FLCN: variants seen among roughly 807,000 people sequenced by gnomAD.
FLCN encodes the protein folliculin, also known as BHD skin lesion fibrofolliculoma protein.
A neutral mutation model predicts 62.5 loss-of-function variants in FLCN; 22 were observed. The observed-to-expected ratio is 0.35, with a 90% CI of 0.25 to 0.50. The LOEUF (loss-of-function observed/expected upper bound fraction) is 0.50. FLCN is among the 20% of genes least tolerant of loss of function. FLCN has a pLI of 0.97. For missense variants in FLCN, 657 were observed against 778.0 expected (o/e 0.84, Z 1.85); for synonymous variants, 319 against 310.0 (o/e 1.03, Z -0.30).
rs567617762 is a variant in FLCN, at chr17:17,227,933, C to T, written c.205G>A (p.Val69Ile). 297 of 1,614,132 alleles carry T rather than the reference C, an allele frequency of 1.8e-4. 4 individuals are homozygous for T. The South Asian group carries it at 3.0e-3, about 16-fold the overall frequency. ...TTGGGCCCCGGGCTGCTGGACTCGA[C>T]GCTGGCCCCCTCTGCGGGGCTGTGC... Reference protein sequence around the residue: ...RAHSPAEGASVESSSPGPKKS... With the variant: ...RAHSPAEGASIESSSPGPKKS... Residue 69 changes from valine to isoleucine, a missense_variant, in exon 4 of 14, where the codon GTC (valine) becomes ATC (isoleucine). Physicochemically the swap from Val to Ile is conservative, Grantham distance 29. Transcript: ENST00000285071.
intron 1 of FLCN, among the ~76,000 whole-genome samples, chr17:17,234,210 TTTGG>T (rs1567832964): frequency 9.6e-6 from 1 of 104,630 alleles, no homozygotes. Context: ...TTTGTTTTTT[TTTGG>T]TTTGTTTTTT....
Position 17,216,979 on chromosome 17 carries a change from G to T in FLCN, c.1176+90C>A. On this transcript the variant is annotated intron_variant, in intron 10 of 13. Transcript: ENST00000285071. This position sits in a 1 kb window ranked among gnomAD's most constrained non-coding sequence, Gnocchi z 4.0. The stretch of plus-strand genomic sequence containing the variant: ...GTGGTGCACAGCGGTTCTGTGCTGG[G>T]CAGTCGGTGCACCTTGGCATCCCCA... 1.1e-6 allele frequency: 1 copy of T among 940,322 alleles called. No individual in the cohort carries two copies. 58.2% of individuals were successfully genotyped at this position (940,322 alleles called of 1,614,324 possible). A position where few individuals can be genotyped will look rare whatever the true frequency, so the allele number is the denominator to read the frequency against.
At chr17:17,222,837 T>C in intron 6 of FLCN, 176 bp from the exon 7 acceptor site, 1 of 736,992 alleles carries the variant, frequency 1.4e-6, no homozygotes, top group Non-Finnish European at 2.3e-6. Context: ...AGCATAGCTC[T>C]GCCCCGGCTA....
rs1305090827 is a variant in FLCN at position 17,213,413 on chromosome 17, G to T, written c.*242C>A. The T allele has an allele frequency of 6.6e-6, 4 of 603,596 alleles. No homozygotes were observed. The highest frequency in any genetic ancestry group is 1.2e-5 in the Non-Finnish European group (4 of 337,470). 37.4% of individuals were successfully genotyped at this position (603,596 alleles called of 1,614,324 possible). A position where few individuals can be genotyped will look rare whatever the true frequency, so the allele number is the denominator to read the frequency against. Reference sequence around the variant, plus strand: ...TCTCTCCAAGGAGTTTGAACACAGAGAGAGCCCATCATCCCTCCGCCTTTC... The same window carrying T: ...TCTCTCCAAGGAGTTTGAACACAGATAGAGCCCATCATCCCTCCGCCTTTC... On this transcript the variant is annotated 3_prime_UTR_variant, in exon 14 of 14. Coordinates refer to ENST00000285071, the MANE Select transcript of FLCN (RefSeq NM_144997.7).
intron 3 of FLCN, among the ~76,000 whole-genome samples, chr17:17,230,853 A>C (rs970064120): frequency 1.3e-5 from 2 of 152,066 alleles, no homozygotes; most frequent in Non-Finnish European, 2.9e-5. Context: ...AGATCGTACT[A>C]CTACATTCCA....
In FLCN at chr17:17,221,403, T is replaced by C. The variant is rs182975476; in HGVS notation, c.871+134A>G. On this transcript the variant is annotated intron_variant, in intron 8 of 13. Transcript: ENST00000285071. ...ATCACACCGAGATCGGAGGGTGAGC[T>C]TCCCGAAGGCTCGTTCTGGGCTGAT... 1.9e-5 allele frequency: 30 copies of C among 1,613,312 alleles called. No individual in the cohort carries two copies. The East Asian group carries it at 6.7e-4, about 36-fold the overall frequency.
intron 4 of FLCN, 148 bp downstream of exon 4, chr17:17,227,741 C>T: frequency 1.8e-6 from 2 of 1,134,450 alleles, no homozygotes; most frequent in African/African-American, 3.1e-5. Context: ...AAAACAAAAG[C>T]TACAGTCAGG....
At chr17:17,220,733 T>C (rs1750221643) in intron 8 of FLCN, 1 of 168,598 alleles carries the variant, frequency 5.9e-6, no homozygotes, top group South Asian at 1.5e-4. Context: ...ATTAGCACTA[T>C]AATAAATGGC....
chr17:17,236,548 G>C lies in FLCN; in HGVS notation c.-228+364C>G, dbSNP rs573399655. On this transcript the variant is annotated intron_variant, in intron 1 of 13. Coordinates refer to ENST00000285071, the MANE Select transcript of FLCN (RefSeq NM_144997.7). ...ACGCGACTGACAGTACTCTCAACTG[G>C]AGAGAAGCGCGGTCTTCCACCCTCC... Among the ~76,000 whole-genome samples the C allele has an allele frequency of 2.0e-5, 3 of 152,234 alleles. No homozygotes were observed. The South Asian group carries it at 6.2e-4, about 32-fold the overall frequency.
chr17:17,221,158 A>G lies in FLCN; in HGVS notation c.871+379T>C, dbSNP rs972235191. On this transcript the variant is annotated intron_variant, in intron 8 of 13. Coordinates refer to ENST00000285071, the MANE Select transcript of FLCN (RefSeq NM_144997.7). The stretch of plus-strand genomic sequence containing the variant: ...AGGGAACCACTGCCCTTCATGGAAA[A>G]CTTGGGACGAACTGAAACAGAACAC... 27 of 1,436,894 alleles carry G rather than the reference A, an allele frequency of 1.9e-5. No homozygotes were observed. The African/African-American group carries it at 2.3e-4, about 12-fold the overall frequency. The allele number at this position is 1,436,894 out of a possible 1,614,324, so 89.0% of individuals were successfully genotyped here.
intron 4 of FLCN, 84 bp downstream of exon 4, chr17:17,227,805 G>A: frequency 6.3e-7 from 1 of 1,597,840 alleles, no homozygotes; most frequent in Non-Finnish European, 8.6e-7. Flanking sequence ...CACCCCGGGA[G>A]GCCCCGTCCA....
Position 17,213,553 on chromosome 17 carries a change from G to T in FLCN, c.*102C>A. 6.7e-7 allele frequency: 1 copy of T among 1,495,698 alleles called. No individual in the cohort carries two copies. The allele number at this position is 1,495,698 out of a possible 1,614,324, so 92.7% of individuals were successfully genotyped here. On this transcript the variant is annotated 3_prime_UTR_variant, in exon 14 of 14. Coordinates refer to ENST00000285071, the MANE Select transcript of FLCN (RefSeq NM_144997.7). ...GGTTTCCCTTCCTTGCTGGGACACA[G>T]CTCCTTCCAGCAGTTGAGAAACTCA...
In FLCN at chr17:17,217,074, G is replaced by T; in HGVS notation, c.1171C>A (p.Leu391Ile). 4 of 1,608,984 alleles carry T rather than the reference G, an allele frequency of 2.5e-6. No individual in the cohort carries two copies. The highest frequency in any genetic ancestry group is 3.4e-6 in the Non-Finnish European group (4 of 1,175,376). Residue 391 changes from leucine to isoleucine, a missense_variant, in exon 10 of 14, where the codon CTT (leucine) becomes ATT (isoleucine). By Grantham distance (5) the Leu-to-Ile change is conservative. Transcript: ENST00000285071. ...VDLVQSAFEV[L>I]RTMLPVGCVR... ...TAAGGAAAAGATGTTCTCACCCGAA[G>T]TACTTCAAAAGCTGACTGGACGAGG...
chr17:17,213,322 G>A lies in FLCN; in HGVS notation c.*333C>T, dbSNP rs750896108. 1.4e-4 allele frequency: 70 copies of A among 496,934 alleles called. No individual in the cohort carries two copies. The highest frequency in any genetic ancestry group is 3.3e-4 in the Admixed American group (10 of 30,670). The allele number at this position is 496,934 out of a possible 1,614,324, so 30.8% of individuals were successfully genotyped here. ...TGCGACTGCATACTGAGTCGGACCT[G>A]TTTCTCCTGCGGGTTTTGAGTCTAA... On this transcript the variant is annotated 3_prime_UTR_variant, in exon 14 of 14. Transcript: ENST00000285071.
chr17:17,217,274 T>C (rs2046955768), intron 9 of FLCN, 92 bp from the exon 10 acceptor site: 1 of 912,448 alleles, frequency 1.1e-6, no homozygotes, highest in South Asian at 1.4e-5. Context: ...CATAAAACTT[T>C]GTAGAGCAAA....
Position 17,213,252 on chromosome 17 carries a change from A to G in FLCN, c.*403T>C, listed in dbSNP as rs188840802. On this transcript the variant is annotated 3_prime_UTR_variant, in exon 14 of 14. Transcript: ENST00000285071. ...GGCCCAGAAACTCTTGCTGAATTTC[A>G]AAGTAGAAACGCTTGAATGTTAACC... 7.5e-6 allele frequency: 3 copies of G among 398,834 alleles called. No individual in the cohort carries two copies. Among genetic ancestry groups the G allele is most frequent in the Admixed American group, 7.9e-5 (2 of 25,344 alleles). 24.7% of individuals were successfully genotyped at this position (398,834 alleles called of 1,614,324 possible).
At chr17:17,221,029 TG>T in intron 8 of FLCN, 1 of 607,578 alleles carries the variant, frequency 1.6e-6, no homozygotes, top group Non-Finnish European at 2.6e-6. Flanking sequence ...TGGCCAAGAC[TG>T]GCCCAGTGCT....
intron 3 of FLCN, among the ~76,000 whole-genome samples, chr17:17,229,898 C>T (rs2145073639): frequency 6.6e-6 from 1 of 152,272 alleles, no homozygotes; most frequent in East Asian, 1.9e-4. Flanking sequence ...GCCGGCGGAA[C>T]CATGTGAAGG....
intron 3 of FLCN, among the ~76,000 whole-genome samples, chr17:17,230,084 C>A (rs905610301): frequency 6.6e-6 from 1 of 152,132 alleles, no homozygotes; most frequent in Non-Finnish European, 1.5e-5. Context: ...GAAACGAGAC[C>A]GCAAAAGCAA....
Sources: allele counts gnomAD v4.1 joint callset (sites outside exome capture counted in the v4.1 genomes callset), GRCh38; gene constraint gnomAD v4.1.1; non-coding constraint Gnocchi (gnomAD v3.1); transcripts MANE v1.5; gene names NCBI Gene and HGNC (gene_info 2026-07-23, HGNC 2026-07-21).